KAZN: variants seen among roughly 807,000 people sequenced by gnomAD.
The protein encoded by KAZN is kazrin.
Under a neutral mutation model 87.4 loss-of-function variants are expected in KAZN, and 40 were observed. The observed-to-expected ratio is 0.46, with a 90% CI of 0.36 to 0.60. The LOEUF (loss-of-function observed/expected upper bound fraction) is 0.60. Ranked by LOEUF, KAZN falls within the 20% of genes least tolerant of loss-of-function variation. KAZN has a pLI of 0.00. For synonymous variants in KAZN, 466 were observed against 458.3 expected (o/e 1.02, Z -0.22); for missense variants, 898 against 1,073.9 (o/e 0.84, Z 2.29).
chr1:14,809,443 C>T lies in KAZN; in HGVS notation c.227-151241C>T, dbSNP rs564277156. 5.7e-4 allele frequency among the ~76,000 whole-genome samples: 87 copies of T among 152,294 alleles called. 1 individual carries two copies. Among genetic ancestry groups the T allele is most frequent in the African/African-American group, 2.0e-3 (84 of 41,570 alleles). ...TCACTTCCTGCTCACACCTATGTGC[C>T]GGTTGGTACCAACATCACTTCCTGC... On this transcript the variant is annotated intron_variant, in intron 1 of 14. Coordinates refer to ENST00000376030, the MANE Select transcript of KAZN (RefSeq NM_201628.3).
At chr1:14,297,632 C>G (rs548490779) in intron 2 of KAZN, among the ~76,000 whole-genome samples, 3 of 152,226 alleles carry the variant, frequency 2.0e-5, no homozygotes, top group South Asian at 2.1e-4. Context: ...TCTCCACCAT[C>G]CACCCTAGGG....
rs60132173 is a variant in KAZN at position 14,998,408 on chromosome 1, G to T, written c.419-36341G>T. ...AGAGGAGAGGCTGTGTGTATGTGGC[G>T]GGGGGACTTTGGGGGTTAGACCTTG... On this transcript the variant is annotated intron_variant, in intron 2 of 14. Transcript: ENST00000376030. 7.6e-4 allele frequency among the ~76,000 whole-genome samples: 46 copies of T among 60,260 alleles called. No individual in the cohort carries two copies. In the African/African-American group the frequency reaches 0.032, roughly 42 times the overall value. The allele number at this position is 60,260 out of a possible 152,430, so 39.5% of individuals were successfully genotyped here. A position where few individuals can be genotyped will look rare whatever the true frequency, so the allele number is the denominator to read the frequency against.
intron 1 of KAZN, among the ~76,000 whole-genome samples, chr1:14,727,996 C>G (rs28838623): frequency 1.4e-4 from 21 of 151,860 alleles, no homozygotes; most frequent in Admixed American, 2.6e-4. Flanking sequence ...CTATGAGAAT[C>G]TAATGCTGGC....
chr1:14,799,751 C>A (rs1455244562), intron 1 of KAZN, among the ~76,000 whole-genome samples: 1 of 151,552 alleles, frequency 6.6e-6, no homozygotes, highest in East Asian at 1.9e-4. Flanking sequence ...CCCTTAAGAA[C>A]TTTTTTTTTG....
At chr1:14,471,470 T>C (rs1174159529) in intron 2 of KAZN, among the ~76,000 whole-genome samples, 1 of 152,112 alleles carries the variant, frequency 6.6e-6, no homozygotes, top group African/African-American at 2.4e-5. Context: ...TGCATCGACT[T>C]TGGCTTTTGC....
At chr1:14,743,304 C>A (rs1644164431) in intron 1 of KAZN, among the ~76,000 whole-genome samples, 1 of 151,832 alleles carries the variant, frequency 6.6e-6, no homozygotes, top group South Asian at 2.1e-4. Context: ...GTGACACGTG[C>A]CTGTAATCCC....
intron 4 of KAZN, among the ~76,000 whole-genome samples, chr1:15,048,740 G>A (rs546074627): frequency 2.0e-5 from 3 of 148,610 alleles, no homozygotes; most frequent in Non-Finnish European, 4.4e-5. Flanking sequence ...ATGGGTCGTC[G>A]ATCCTGGGTC....
At chr1:14,383,629 T>C (rs1661576530) in intron 2 of KAZN, among the ~76,000 whole-genome samples, 2 of 152,046 alleles carry the variant, frequency 1.3e-5, no homozygotes, top group Admixed American at 1.3e-4. Context: ...TAGTTGTAGA[T>C]ATGCGGCATT....
intron 2 of KAZN, among the ~76,000 whole-genome samples, chr1:14,453,269 T>C (rs549683362): frequency 3.4e-4 from 52 of 152,266 alleles, no homozygotes; most frequent in South Asian, 8.3e-4. Flanking sequence ...TAGGCCTCTC[T>C]TTTACTCTGC....
chr1:14,992,728 C>G (rs1667470602), intron 2 of KAZN, among the ~76,000 whole-genome samples: 1 of 152,116 alleles, frequency 6.6e-6, no homozygotes, highest in African/African-American at 2.4e-5. Context: ...ACTGCAACCT[C>G]CATGTCCCGG....
At chr1:13,931,761 A>G (rs17351075) in intron 1 of KAZN, among the ~76,000 whole-genome samples, 3,742 of 152,270 alleles carry the variant, frequency 0.025, 83 homozygotes, top group Non-Finnish European at 0.039. Flanking sequence ...TCAGAACCAA[A>G]AATCATGATG....
chr1:14,975,189 C>A (rs1384860244), intron 2 of KAZN, among the ~76,000 whole-genome samples: 2 of 152,170 alleles, frequency 1.3e-5, no homozygotes, highest in African/African-American at 4.8e-5. Flanking sequence ...AGAGAGTCTG[C>A]AGAGCTCCAA....
chr1:15,098,427 C>T (rs1316356010), intron 10 of KAZN, among the ~76,000 whole-genome samples: 2 of 152,220 alleles, frequency 1.3e-5, no homozygotes, highest in Non-Finnish European at 2.9e-5. Context: ...TGTGGGCATG[C>T]AGATGGAGAT....
chr1:14,884,461 T>C (rs1277553081), intron 1 of KAZN, among the ~76,000 whole-genome samples: 1 of 152,206 alleles, frequency 6.6e-6, no homozygotes, highest in East Asian at 1.9e-4. Flanking sequence ...AATTAAAGAA[T>C]AAAATCAGTG....
At chr1:14,747,747 T>A (rs866124610) in intron 1 of KAZN, among the ~76,000 whole-genome samples, 17 of 152,232 alleles carry the variant, frequency 1.1e-4, no homozygotes, top group African/African-American at 3.4e-4. Context: ...CTGGGTCACA[T>A]GATAATTCTA....
intron 1 of KAZN, among the ~76,000 whole-genome samples, chr1:14,037,123 C>T (rs1358218466): frequency 6.6e-6 from 1 of 152,210 alleles, no homozygotes; most frequent in Non-Finnish European, 1.5e-5. Flanking sequence ...AATGGGATCA[C>T]ATAGGGTGGG....
intron 1 of KAZN, among the ~76,000 whole-genome samples, chr1:14,817,279 T>C (rs911607503): frequency 1.3e-5 from 2 of 152,222 alleles, no homozygotes; most frequent in Admixed American, 6.5e-5. Flanking sequence ...TGCATCCATC[T>C]TGTTCATGGC....
intron 2 of KAZN, among the ~76,000 whole-genome samples, chr1:14,557,654 GT>G (rs1443812599): frequency 2.9e-4 from 42 of 145,464 alleles, no homozygotes; most frequent in Admixed American, 6.3e-4. Context: ...GTGTGTGTGT[GT>G]GTGTGTGTGT....
chr1:14,318,958 GCTAA>G, intron 2 of KAZN, among the ~76,000 whole-genome samples: 1 of 151,188 alleles, frequency 6.6e-6, no homozygotes, highest in Non-Finnish European at 1.5e-5. Context: ...TAAAATCTTT[GCTAA>G]TTGCTTTATC....
Sources: gnomAD v4.1 joint callset for allele counts (sites outside exome capture counted in the v4.1 genomes callset) on GRCh38, gnomAD v4.1.1 for gene constraint, MANE v1.5 for transcripts, NCBI Gene and HGNC (gene_info 2026-07-23, HGNC 2026-07-21) for gene names.